The following ZNF33B variants were observed in gnomAD, a reference collection of about 807,000 sequenced individuals.
The protein encoded by ZNF33B is zinc finger protein 11b (KOX 2).
In ZNF33B, 29 loss-of-function variants were observed where a neutral mutation model predicts 45.8. The ratio of observed to expected loss-of-function variants is 0.63; its 90% CI spans 0.47 to 0.86. ZNF33B has a LOEUF of 0.86. Among genes scored for constraint, ZNF33B ranks in the 40% least tolerant of loss-of-function variants. The pLI, the probability that ZNF33B is intolerant of heterozygous loss-of-function variation, is 0.00. For synonymous variants in ZNF33B, 305 were observed against 307.8 expected (o/e 0.99, Z 0.10); for missense variants, 831 against 909.9 (o/e 0.91, Z 1.12).
At chr10:42,599,468 GTATATTACATATATACA>G (rs558109523) in intron 4 of ZNF33B, among the ~76,000 whole-genome samples, 8 of 150,252 alleles carry the variant, frequency 5.3e-5, no homozygotes, top group African/African-American at 2.0e-4. Context: ...ATATACATAT[GTATATTACATATATACA>G]TATGTATAAA....
chr10:42,618,623 G>A (rs183512211), intron 4 of ZNF33B, among the ~76,000 whole-genome samples: 30 of 152,244 alleles, frequency 2.0e-4, no homozygotes, highest in African/African-American at 7.2e-4. Flanking sequence ...GGTCAAATAA[G>A]AGCATGATAA....
chr10:42,631,016 G>T (rs758662545), intron 4 of ZNF33B, among the ~76,000 whole-genome samples: 1 of 152,032 alleles, frequency 6.6e-6, no homozygotes, highest in Non-Finnish European at 1.5e-5. Flanking sequence ...AATCCTCATG[G>T]CTCACACAGT....
intron 4 of ZNF33B, among the ~76,000 whole-genome samples, chr10:42,597,830 GAATTC>G (rs1250197336): frequency 6.6e-6 from 1 of 152,100 alleles, no homozygotes; most frequent in Non-Finnish European, 1.5e-5. Flanking sequence ...GTACAAAACT[GAATTC>G]AATTTTACAT....
At chr10:42,578,447 C>T (rs17157474) in intron 1 of ZNF33B, 16,565 of 152,624 alleles carry the variant, frequency 0.11, 1,023 homozygotes, top group Admixed American at 0.16. Context: ...CATGATGCAA[C>T]TGTCCCCTCT....
chr10:42,593,246 G>A lies in ZNF33B; in HGVS notation c.1704C>T (p.Leu568=), dbSNP rs1441180282. The part of the protein sequence containing the change: ...CGKFFSHKST[L]SQHYRTHTGE... The stretch of plus-strand genomic sequence containing the variant: ...CCGTGTGTGTTCTATAATGTTGAGA[G>A]AGGGTTGACTTATGGCTAAAGAATT... Residue 568 remains leucine, a synonymous_variant, in exon 5 of 5, where the codon CTC becomes CTT. Transcript: ENST00000359467. The A allele has an allele frequency of 6.2e-7, 1 of 1,613,852 alleles. No individual in the cohort carries two copies. Among genetic ancestry groups the A allele is most frequent in the African/African-American group, 1.3e-5 (1 of 75,012 alleles).
chr10:42,589,120 TTTAC>T lies in ZNF33B; in HGVS notation c.*3489_*3492del, dbSNP rs1836998473. On this transcript the variant is annotated 3_prime_UTR_variant, in exon 5 of 5. Coordinates refer to ENST00000359467, the MANE Select transcript of ZNF33B (RefSeq NM_006955.3). ...GATGTTCCTCAGGGTTGGTTGGTTATTTACTTATTTATTTACTTAATACACTTCA... is the reference window on the plus strand; with the variant it reads ...GATGTTCCTCAGGGTTGGTTGGTTATTTATTTATTTACTTAATACACTTCA... The T allele has an allele frequency of 3.2e-6, 1 of 317,276 alleles. No individual in the cohort carries two copies. Among genetic ancestry groups the T allele is most frequent in the Non-Finnish European group, 4.6e-6 (1 of 219,186 alleles). The allele number at this position is 317,276 out of a possible 1,614,324, so 19.7% of individuals were successfully genotyped here. A position where few individuals can be genotyped will look rare whatever the true frequency, so the allele number is the denominator to read the frequency against.
In ZNF33B at chr10:42,592,807, G is replaced by A; in HGVS notation, c.2143C>T (p.His715Tyr). The change falls in exon 5 of 5, where the codon CAC (histidine) becomes TAC (tyrosine). Residue 715 changes from histidine to tyrosine, a missense_variant. Physicochemically the swap from His to Tyr is moderately conservative, Grantham distance 83. Transcript: ENST00000359467. Reference sequence around the variant, plus strand: ...CACTGACAAGATTTCTCTCCTGTGTGAGCCCTGTGATGTACTGTGAGTGAT... The same window carrying A: ...CACTGACAAGATTTCTCTCCTGTGTAAGCCCTGTGATGTACTGTGAGTGAT... Reference protein sequence around the residue: ...KSSLTVHHRAHTGEKSCQCNE... With the variant: ...KSSLTVHHRAYTGEKSCQCNE... The A allele has an allele frequency of 6.2e-7, 1 of 1,614,106 alleles. No homozygotes were observed. Among genetic ancestry groups the A allele is most frequent in the Non-Finnish European group, 8.5e-7 (1 of 1,180,002 alleles).
intron 4 of ZNF33B, among the ~76,000 whole-genome samples, chr10:42,619,318 G>A (rs561408758): frequency 1.3e-5 from 2 of 152,246 alleles, no homozygotes; most frequent in South Asian, 2.1e-4. Flanking sequence ...GAAATCAATT[G>A]AAGGCCTGAA....
chr10:42,583,829 T>C (rs376192759), intron 1 of ZNF33B, among the ~76,000 whole-genome samples: 10 of 152,124 alleles, frequency 6.6e-5, no homozygotes, highest in South Asian at 4.1e-4. Flanking sequence ...GGAATGAAGC[T>C]GGAACCTCTT....
Position 42,636,807 on chromosome 10 carries a change from G to A in ZNF33B, c.9+113C>T, listed in dbSNP as rs1302430669. The A allele has an allele frequency of 1.1e-4, 166 of 1,471,588 alleles. 2 individuals are homozygous for A. The highest frequency in any genetic ancestry group is 1.3e-4 in the Non-Finnish European group (138 of 1,059,518). 91.2% of individuals were successfully genotyped at this position (1,471,588 alleles called of 1,614,324 possible). A position where few individuals can be genotyped will look rare whatever the true frequency, so the allele number is the denominator to read the frequency against. ...GGAGACACTGCGCTCCAGCCTGGGC[G>A]ACAGAGCGAGACTCCATGTCACAAA... On this transcript the variant is annotated intron_variant, in intron 2 of 4. Transcript: ENST00000359467.
intron 4 of ZNF33B, among the ~76,000 whole-genome samples, chr10:42,594,961 T>TAA (rs1837337605): frequency 1.3e-5 from 2 of 152,078 alleles, no homozygotes; most frequent in African/African-American, 4.8e-5. Flanking sequence ...ACTTGGTTTC[T>TAA]AATGTAAGAA....
chr10:42,636,021 C>T (rs372042430), intron 2 of ZNF33B, among the ~76,000 whole-genome samples: 2 of 150,232 alleles, frequency 1.3e-5, no homozygotes, highest in African/African-American at 4.9e-5. Context: ...CCCAGCTACT[C>T]GGGAGGCTGA....
At chr10:42,602,175 C>T (rs972217710) in intron 4 of ZNF33B, among the ~76,000 whole-genome samples, 7 of 152,176 alleles carry the variant, frequency 4.6e-5, no homozygotes, top group African/African-American at 7.2e-5. Flanking sequence ...GATCCACCTG[C>T]CTTGGCCTCC....
At chr10:42,616,241 AT>A (rs1274465876) in intron 4 of ZNF33B, among the ~76,000 whole-genome samples, 23 of 152,272 alleles carry the variant, frequency 1.5e-4, no homozygotes, top group African/African-American at 4.8e-4. Flanking sequence ...TTAAAAAAAA[AT>A]AAAAAAATTT....
At chr10:42,574,304 G>C (rs1564485630) in exon 2 of ZNF33B, 1 of 151,916 alleles carries the variant, frequency 6.6e-6, no homozygotes, top group African/African-American at 2.4e-5. Context: ...AGCAGGCTTA[G>C]AGCTTCTACA....
intron 4 of ZNF33B, among the ~76,000 whole-genome samples, chr10:42,602,812 T>A (rs554434138): frequency 6.6e-6 from 1 of 151,698 alleles, no homozygotes; most frequent in East Asian, 1.9e-4. Context: ...TACTGTTCCC[T>A]CTGATTCTTT....
intron 1 of ZNF33B, among the ~76,000 whole-genome samples, chr10:42,576,005 C>T (rs1329165894): frequency 3.3e-5 from 5 of 152,128 alleles, no homozygotes; most frequent in Non-Finnish European, 5.9e-5. Flanking sequence ...ATTCTCCTGC[C>T]TCAGCCTTCT....
rs1564485788 is a variant in ZNF33B, at chr10:42,574,680, T to G, written c.74-2A>C. ...ACTCTCTCCTGAGGCTGATGACATCTGCAATCATATTTTAAAAGCACTGTG... is the reference window on the plus strand; with the variant it reads ...ACTCTCTCCTGAGGCTGATGACATCGGCAATCATATTTTAAAAGCACTGTG... On this transcript the variant is annotated splice_acceptor_variant, in intron 1 of 1. Transcript: ENST00000462075. LOFTEE classifies it high-confidence loss of function. 1 of 152,174 alleles carries G rather than the reference T, an allele frequency of 6.6e-6. No homozygotes were observed. The highest frequency in any genetic ancestry group is 1.5e-5 in the Non-Finnish European group (1 of 68,028). The allele number at this position is 152,174 out of a possible 1,614,324, so 9.4% of individuals were successfully genotyped here.
At chr10:42,607,573 T>A (rs549043027) in intron 4 of ZNF33B, among the ~76,000 whole-genome samples, 2 of 151,610 alleles carry the variant, frequency 1.3e-5, no homozygotes, top group South Asian at 4.2e-4. Context: ...AAAGCAGAAA[T>A]AAAAGGAATA....
Sources: gnomAD v4.1 joint callset for allele counts (sites outside exome capture counted in the v4.1 genomes callset) on GRCh38, gnomAD v4.1.1 for gene constraint, MANE v1.5 for transcripts, NCBI Gene and HGNC (gene_info 2026-07-23, HGNC 2026-07-21) for gene names.